GALNT13: variants seen among roughly 807,000 people sequenced by gnomAD.
The protein encoded by GALNT13 is polypeptide N-acetylgalactosaminyltransferase 13.
Under a neutral mutation model 64.2 loss-of-function variants are expected in GALNT13, and 28 were observed. The observed-to-expected ratio is 0.44, with a 90% confidence interval of 0.32 to 0.60. GALNT13 has a LOEUF of 0.60. GALNT13 is among the 20% of genes least tolerant of loss of function. The pLI is 0.05. For missense variants in GALNT13, 577 were observed against 669.8 expected, an observed-to-expected ratio of 0.86 and a Z score of 1.53; for synonymous variants, 214 against 224.6, an observed-to-expected ratio of 0.95 and a Z score of 0.42.
At chr2:154,359,395 G>T (rs1002794175) in intron 9 of GALNT13, among the ~76,000 whole-genome samples, 1 of 152,100 alleles carries the variant, frequency 6.6e-6, no homozygotes, top group East Asian at 1.9e-4. Flanking sequence ...GCAGAGACCA[G>T]ATCAGCTCTG....
the GALNT13 span, among the ~76,000 whole-genome samples, chr2:153,783,033 TA>T: frequency 6.6e-6 from 1 of 152,158 alleles, no homozygotes; most frequent in Non-Finnish European, 1.5e-5. Flanking sequence ...AATGGGAATC[TA>T]GAGTGAGTGA....
the GALNT13 span, among the ~76,000 whole-genome samples, chr2:153,505,445 T>C: frequency 6.6e-6 from 1 of 152,158 alleles, no homozygotes; most frequent in Admixed American, 6.5e-5. Context: ...CTTGTTTCTC[T>C]AGTTTTGTGA....
intron 9 of GALNT13, among the ~76,000 whole-genome samples, chr2:154,302,434 C>T (rs189766268): frequency 2.0e-5 from 3 of 152,304 alleles, no homozygotes; most frequent in East Asian, 3.9e-4. Context: ...TCCAGGCCTA[C>T]ATCCTCTTTC....
the GALNT13 span, among the ~76,000 whole-genome samples, chr2:153,679,200 C>T: frequency 1.3e-5 from 2 of 151,930 alleles, no homozygotes; most frequent in Admixed American, 1.3e-4. Context: ...CTAGAAAATA[C>T]CAGATACACA....
At chr2:153,831,327 T>A in the GALNT13 span, among the ~76,000 whole-genome samples, 1 of 152,132 alleles carries the variant, frequency 6.6e-6, no homozygotes, top group Non-Finnish European at 1.5e-5. Context: ...TACATTTCCT[T>A]TAATAGTGTC....
chr2:154,009,938 G>A (rs201307940), intron 3 of GALNT13, among the ~76,000 whole-genome samples: 1 of 149,434 alleles, frequency 6.7e-6, no homozygotes, highest in East Asian at 2.1e-4. Context: ...ATGGGATTAT[G>A]TTCTTGATTT....
At chr2:153,149,163 G>C in the GALNT13 span, among the ~76,000 whole-genome samples, 1 of 151,838 alleles carries the variant, frequency 6.6e-6, no homozygotes, top group African/African-American at 2.4e-5. Context: ...CATTAAATTT[G>C]GTCCAGATAA....
At chr2:153,758,554 A>C in the GALNT13 span, among the ~76,000 whole-genome samples, 10 of 152,208 alleles carry the variant, frequency 6.6e-5, no homozygotes, top group Admixed American at 4.6e-4. Context: ...TAGAATTTTC[A>C]TCAATATGTA....
chr2:153,387,611 C>CT, the GALNT13 span, among the ~76,000 whole-genome samples: 88 of 152,098 alleles, frequency 5.8e-4, no homozygotes, highest in African/African-American at 2.0e-3. Flanking sequence ...ATTTGCTGCC[C>CT]TGGAGACATT....
At chr2:153,946,700 G>A (rs1194164888) in intron 3 of GALNT13, among the ~76,000 whole-genome samples, 1 of 151,998 alleles carries the variant, frequency 6.6e-6, no homozygotes, top group Non-Finnish European at 1.5e-5. Context: ...ACCCCCCAAA[G>A]GCCCTATCTC....
At chr2:153,546,092 C>T in the GALNT13 span, among the ~76,000 whole-genome samples, 1 of 152,178 alleles carries the variant, frequency 6.6e-6, no homozygotes, top group Non-Finnish European at 1.5e-5. Context: ...CAGCTCCTTG[C>T]ACCCTCAGGA....
At chr2:153,630,554 C>G in the GALNT13 span, among the ~76,000 whole-genome samples, 2 of 145,608 alleles carry the variant, frequency 1.4e-5, no homozygotes, top group African/African-American at 2.6e-5. Context: ...TGCTAAATGA[C>G]GAGTTAATAG....
At chr2:153,372,400 C>T in the GALNT13 span, among the ~76,000 whole-genome samples, 22 of 152,278 alleles carry the variant, frequency 1.4e-4, no homozygotes, top group African/African-American at 5.3e-4. Context: ...ATAATCCCAG[C>T]ACTTTGGGAG....
At chr2:153,519,468 G>C in the GALNT13 span, among the ~76,000 whole-genome samples, 14 of 152,152 alleles carry the variant, frequency 9.2e-5, no homozygotes, top group Admixed American at 7.9e-4. Flanking sequence ...ATGGATTGCA[G>C]CGCCACCTGC....
chr2:153,391,463 A>G, the GALNT13 span, among the ~76,000 whole-genome samples: 2 of 152,114 alleles, frequency 1.3e-5, no homozygotes, highest in African/African-American at 4.8e-5. Flanking sequence ...ACTTGTAAAG[A>G]CATTTAAAGG....
At chr2:153,134,128 T>TCTCAGTTATTGTATTTATGAGCAAAAATA in the GALNT13 span, among the ~76,000 whole-genome samples, 3 of 151,750 alleles carry the variant, frequency 2.0e-5, no homozygotes, top group African/African-American at 7.3e-5. Context: ...TGAAGGAAAT[T>TCTCAGTTATTGTATTTATGAGCAAAAATA]GAAAATTCGA....
intron 11 of GALNT13, among the ~76,000 whole-genome samples, chr2:154,430,338 A>G (rs940696846): frequency 2.6e-5 from 4 of 152,066 alleles, no homozygotes; most frequent in African/African-American, 7.2e-5. Context: ...GTTAATCCCA[A>G]CCCTCTTAGA....
chr2:153,679,210 A>G, the GALNT13 span, among the ~76,000 whole-genome samples: 1 of 152,000 alleles, frequency 6.6e-6, no homozygotes. Context: ...CCAGATACAC[A>G]GATAACAGCA....
the GALNT13 span, among the ~76,000 whole-genome samples, chr2:153,650,807 A>G: frequency 6.6e-6 from 1 of 152,158 alleles, no homozygotes; most frequent in Non-Finnish European, 1.5e-5. Flanking sequence ...TTTTTTAACT[A>G]AAGACTGTTT....
Sources: gnomAD v4.1 joint callset for allele counts (sites outside exome capture counted in the v4.1 genomes callset) on GRCh38, gnomAD v4.1.1 for gene constraint, MANE v1.5 for transcripts, NCBI Gene and HGNC (gene_info 2026-07-23, HGNC 2026-07-21) for gene names.